The following ALPK2 variants were observed in gnomAD, a reference collection of about 807,000 sequenced individuals.
ALPK2 encodes the protein alpha-protein kinase 2.
Under a neutral mutation model 163.1 loss-of-function variants are expected in ALPK2, and 127 were observed. The observed-to-expected ratio is 0.78, with a 90% CI of 0.67 to 0.90. The LOEUF is 0.90. Among genes scored for constraint, ALPK2 ranks in the 40% least tolerant of loss-of-function variants. ALPK2 has a pLI of 0.00. For missense variants in ALPK2, 2,360 were observed against 2,589.6 expected (o/e 0.91, Z 1.92); for synonymous variants, 953 against 959.1 (o/e 0.99, Z 0.12).
At position 58,534,984 on chromosome 18, in the gene ALPK2, C is replaced by T. The variant is rs1408192530; in HGVS notation, c.5203G>A (p.Val1735Met). Residue 1735 changes from valine to methionine, a missense_variant, in exon 5 of 13, where the codon GTG becomes ATG. Transcript: ENST00000361673. ...TCCAGTTTCAGCCTCAGTGCTGCCA[C>T]CCTGGACAAAATTTTCTTCTTTACT... ...EGVKKKILSRVAALRLKLEEK... is the reference protein window; with the variant it reads ...EGVKKKILSRMAALRLKLEEK... The T allele has an allele frequency of 6.2e-7, 1 of 1,614,162 alleles. No homozygotes were observed. Among genetic ancestry groups the T allele is most frequent in the Non-Finnish European group, 8.5e-7 (1 of 1,180,002 alleles).
intron 3 of ALPK2, among the ~76,000 whole-genome samples, chr18:58,585,663 T>C (rs558908926): frequency 1.6e-4 from 24 of 149,092 alleles, no homozygotes; most frequent in Admixed American, 2.7e-4. Flanking sequence ...TTATGTAAAA[T>C]CCACCATTCT....
At chr18:58,597,726 C>T (rs1159151666) in intron 3 of ALPK2, among the ~76,000 whole-genome samples, 1 of 152,192 alleles carries the variant, frequency 6.6e-6, no homozygotes. Flanking sequence ...TGGAGCTGTG[C>T]TAGCTACTGA....
chr18:58,611,887 G>A, intron 1 of ALPK2, 70 bp from the exon 2 acceptor site: 1 of 1,020,238 alleles, frequency 9.8e-7, no homozygotes, highest in African/African-American at 1.6e-5. Flanking sequence ...AGGAATTCCA[G>A]AAACCACAGG....
At chr18:58,491,916 A>G (rs578194638) in intron 12 of ALPK2, among the ~76,000 whole-genome samples, 1 of 152,348 alleles carries the variant, frequency 6.6e-6, no homozygotes, top group East Asian at 1.9e-4. Context: ...CACCATTCAG[A>G]GGAGCAGCTG....
At chr18:58,552,367 G>T (rs924784363) in intron 4 of ALPK2, among the ~76,000 whole-genome samples, 5 of 152,100 alleles carry the variant, frequency 3.3e-5, no homozygotes, top group Non-Finnish European at 7.4e-5. Context: ...CGCATTCCAA[G>T]ATGAATCAGA....
intron 8 of ALPK2, among the ~76,000 whole-genome samples, chr18:58,521,070 G>A (rs951541428): frequency 2.0e-5 from 3 of 152,224 alleles, no homozygotes; most frequent in Non-Finnish European, 4.4e-5. Context: ...TACAAGGATA[G>A]GGAGGGGCCA....
At position 58,580,461 on chromosome 18, in the gene ALPK2, C is replaced by T; in HGVS notation, c.315G>A (p.Glu105=). ...ACAATTGTGGGTTCTCTGATGAGCA[C>T]TCAACCTCAACGGAAGCAGAACAAC... is the stretch of plus-strand genomic sequence containing the variant. ...MICCSASVEV[E]CSSENPQLSP... is the part of the protein sequence containing the mutation. The change falls in exon 4 of 13, where the codon GAG becomes GAA. Residue 105 remains glutamate (E), a synonymous_variant. Coordinates refer to ENST00000361673, the MANE Select transcript of ALPK2 (RefSeq NM_052947.4). 1 of 1,614,176 alleles carries T rather than the reference C, an allele frequency of 6.2e-7. No homozygotes were observed.
At chr18:58,510,330 CTTTGTTCT>C (rs2051483873) in intron 10 of ALPK2, among the ~76,000 whole-genome samples, 3 of 152,180 alleles carry the variant, frequency 2.0e-5, no homozygotes, top group Admixed American at 2.0e-4. Context: ...ATGCCTCCAG[CTTTGTTCT>C]TTTGGCTTAG....
intron 10 of ALPK2, among the ~76,000 whole-genome samples, chr18:58,510,937 TGA>T (rs2051486969): frequency 6.6e-6 from 1 of 152,220 alleles, no homozygotes; most frequent in Non-Finnish European, 1.5e-5. Flanking sequence ...ATAGGAGTGG[TGA>T]GAGAGGGCGT....
chr18:58,616,930 T>C (rs969824838), intron 1 of ALPK2, among the ~76,000 whole-genome samples: 3 of 152,036 alleles, frequency 2.0e-5, no homozygotes, highest in African/African-American at 7.2e-5. Flanking sequence ...AGGAGTAGCC[T>C]TGGGGACTGG....
intron 1 of ALPK2, among the ~76,000 whole-genome samples, chr18:58,613,702 AAAAAAAAATAAT>A (rs977442537): frequency 2.9e-5 from 2 of 67,814 alleles, no homozygotes; most frequent in African/African-American, 1.5e-4. Context: ...CCATCTCAAA[AAAAAAAAATAAT>A]AATAATAATA....
chr18:58,619,018 A>C (rs1467644611), intron 1 of ALPK2, among the ~76,000 whole-genome samples: 1 of 152,232 alleles, frequency 6.6e-6, no homozygotes, highest in Non-Finnish European at 1.5e-5. Context: ...TCCAATGGCA[A>C]TTGTCTTCCT....
chr18:58,594,737 A>C (rs2052032673), intron 3 of ALPK2, among the ~76,000 whole-genome samples: 2 of 152,184 alleles, frequency 1.3e-5, no homozygotes, highest in Admixed American at 1.3e-4. Context: ...AAAATCCTGG[A>C]GTCCGTCTTT....
At chr18:58,510,647 A>G (rs1425087702) in intron 10 of ALPK2, among the ~76,000 whole-genome samples, 5 of 152,190 alleles carry the variant, frequency 3.3e-5, no homozygotes, top group African/African-American at 1.2e-4. Flanking sequence ...CTTTGAAGCA[A>G]TTGTGAATGG....
rs139858940 is a variant in ALPK2 at position 58,601,863 on chromosome 18, T to C, written c.227+5459A>G. 2.4e-3 allele frequency among the ~76,000 whole-genome samples: 359 copies of C among 152,314 alleles called. 1 individual carries two copies. Among genetic ancestry groups the C allele is most frequent in the African/African-American group, 8.3e-3 (344 of 41,568 alleles). The stretch of plus-strand genomic sequence containing the variant: ...GAGAGCACACCAGTTTTGTGATAGT[T>C]TGCTAAAGTTGCTCAACCTTGGTGC... On this transcript the variant is annotated intron_variant, in intron 3 of 12. Coordinates refer to ENST00000361673, the MANE Select transcript of ALPK2 (RefSeq NM_052947.4).
intron 8 of ALPK2, 95 bp from the exon 9 acceptor site, chr18:58,517,277 A>G: frequency 7.4e-7 from 1 of 1,347,274 alleles, no homozygotes; most frequent in Non-Finnish European, 1.0e-6. Flanking sequence ...AAGGACAATG[A>G]CAAGGCTGAC....
intron 4 of ALPK2, among the ~76,000 whole-genome samples, chr18:58,574,598 T>C (rs2051909742): frequency 6.6e-6 from 1 of 151,978 alleles, no homozygotes; most frequent in South Asian, 2.1e-4. Flanking sequence ...GAATGGTGCA[T>C]ACAAGGGATC....
At chr18:58,560,433 C>T (rs2051819933) in intron 4 of ALPK2, among the ~76,000 whole-genome samples, 1 of 152,202 alleles carries the variant, frequency 6.6e-6, no homozygotes, top group African/African-American at 2.4e-5. Flanking sequence ...CCAGCTTCTG[C>T]AGTTGGCCTG....
At chr18:58,496,857 A>T (rs4390673) in intron 12 of ALPK2, among the ~76,000 whole-genome samples, 33,937 of 152,022 alleles carry the variant, frequency 0.22, 4,305 homozygotes, top group South Asian at 0.41. Flanking sequence ...AAACCAACCA[A>T]TCCAGAGCCA....
Sources: allele counts gnomAD v4.1 joint callset (sites outside exome capture counted in the v4.1 genomes callset), GRCh38; gene constraint gnomAD v4.1.1; transcripts MANE v1.5; gene names NCBI Gene and HGNC (gene_info 2026-07-23, HGNC 2026-07-21).